Variants in CACNA1G observed in about 807,000 individuals in gnomAD.
The protein encoded by CACNA1G is voltage-dependent T-type calcium channel subunit alpha-1G.
A neutral mutation model predicts 219.4 loss-of-function variants in CACNA1G; 67 were observed. The ratio of observed to expected loss-of-function variants is 0.31; its 90% CI spans 0.25 to 0.37. The LOEUF (loss-of-function observed/expected upper bound fraction) is 0.37, where lower values mean the gene tolerates loss of function less well. Ranked by LOEUF, CACNA1G falls within the 10% of genes least tolerant of loss-of-function variation. CACNA1G has a pLI of 1.00. For synonymous variants in CACNA1G, 1,296 were observed against 1,345.3 expected (o/e 0.96, Z 0.80); for missense variants, 2,380 against 3,231.4 (o/e 0.74, Z 6.39).
At position 50,621,182 on chromosome 17, in the gene CACNA1G, GATTGGTGGC is replaced by G. The variant is rs1386154043; in HGVS notation, c.5926-473_5926-465del. The stretch of plus-strand genomic sequence containing the variant: ...GAGAATAGGCAGAAAACAGCCGTCA[GATTGGTGGC>G]ATTGTCGCCGGCGCCCCCCGTGCCG... On this transcript the variant is annotated intron_variant, in intron 34 of 37. Transcript: ENST00000359106. This position sits in a 1 kb window ranked among gnomAD's most constrained non-coding sequence, Gnocchi z 4.6. 2.6e-5 allele frequency among the ~76,000 whole-genome samples: 4 copies of G among 152,228 alleles called. No individual in the cohort carries two copies. Among genetic ancestry groups the G allele is most frequent in the Admixed American group, 6.5e-5 (1 of 15,290 alleles).
At chr17:50,587,252 C>T (rs997474278) in intron 9 of CACNA1G, among the ~76,000 whole-genome samples, 2 of 152,114 alleles carry the variant, frequency 1.3e-5, no homozygotes, top group Non-Finnish European at 2.9e-5. Flanking sequence ...GTGATGTGAC[C>T]TCCATCAAGG....
At chr17:50,574,342 A>C (rs1207393541) in intron 7 of CACNA1G, among the ~76,000 whole-genome samples, 1 of 152,236 alleles carries the variant, frequency 6.6e-6, no homozygotes, top group East Asian at 1.9e-4. Context: ...CTCCAGAGAG[A>C]GATGAAGACA....
At chr17:50,624,324 T>TGCCCCCCCCCCCCCCCCCCCGCCCCCCC in intron 36 of CACNA1G, 36 bp from the exon 37 acceptor site, 1 of 1,177,664 alleles carries the variant, frequency 8.5e-7, no homozygotes, top group Non-Finnish European at 1.2e-6. Flanking sequence ...CTCCATTCTC[T>TGCCCCCCCCCCCCCCCCCCCGCCCCCCC]CCCCCCACCC....
intron 26 of CACNA1G, 49 bp from the exon 27 acceptor site, chr17:50,615,312 G>A (rs564729518): frequency 5.0e-5 from 74 of 1,477,558 alleles, no homozygotes; most frequent in South Asian, 4.7e-4. Context: ...GGAGGGGTGC[G>A]GGGGGCAGGG....
intron 8 of CACNA1G, among the ~76,000 whole-genome samples, chr17:50,577,812 G>T (rs1041183009): frequency 2.6e-5 from 4 of 152,104 alleles, no homozygotes; most frequent in Non-Finnish European, 5.9e-5. Context: ...GTGTCTTAAG[G>T]ATCCCATGGA....
intron 1 of CACNA1G, among the ~76,000 whole-genome samples, chr17:50,564,350 T>C (rs1038588577): frequency 6.6e-6 from 1 of 151,610 alleles, no homozygotes; most frequent in Admixed American, 6.6e-5. Context: ...CCTCTCTGGC[T>C]GTTGTGTCAC....
intron 1 of CACNA1G, among the ~76,000 whole-genome samples, chr17:50,563,040 C>A (rs2036369859): frequency 6.6e-6 from 1 of 152,174 alleles, no homozygotes; most frequent in African/African-American, 2.4e-5. Flanking sequence ...GGGTGGGAGA[C>A]CCCAGGTCTC....
In CACNA1G at chr17:50,615,535, T is replaced by C. The variant is rs779523077; in HGVS notation, c.4911+23T>C. On this transcript the variant is annotated intron_variant, in intron 27 of 37. Coordinates refer to ENST00000359106, the MANE Select transcript of CACNA1G (RefSeq NM_018896.5). ...CAGGTAGGAGCGAGTGGACCAGCCA[T>C]CTGGCCCCCCCACCTCCAGCTGAGG... 3 of 1,607,944 alleles carry C rather than the reference T, an allele frequency of 1.9e-6. No homozygotes were observed. The African/African-American group carries it at 4.0e-5, about 21-fold the overall frequency.
intron 9 of CACNA1G, among the ~76,000 whole-genome samples, chr17:50,584,232 C>T (rs925772665): frequency 2.6e-5 from 4 of 151,972 alleles, no homozygotes; most frequent in Admixed American, 6.5e-5. Flanking sequence ...TGTTTAGTGT[C>T]GTCTACACCC....
chr17:50,610,609 G>C (rs571665454), intron 26 of CACNA1G, among the ~76,000 whole-genome samples: 2 of 152,284 alleles, frequency 1.3e-5, no homozygotes, highest in Non-Finnish European at 2.9e-5. Flanking sequence ...CTGGCCCCCA[G>C]ATGGAGGTGT....
rs1367477104 is a variant in CACNA1G at position 50,575,487 on chromosome 17, G to A, written c.1141-56G>A. On this transcript the variant is annotated intron_variant, in intron 7 of 37. Transcript: ENST00000359106. ...GGAATGCCTCCGTATGTGGTGGCTG[G>A]CATTGTGATTCACTTTTCTTCAGGA... 3 of 1,514,542 alleles carry A rather than the reference G, an allele frequency of 2.0e-6. No homozygotes were observed. In the Admixed American group the frequency reaches 5.9e-5, roughly 30 times the overall value. The allele number at this position is 1,514,542 out of a possible 1,614,324, so 93.8% of individuals were successfully genotyped here. A position where few individuals can be genotyped will look rare whatever the true frequency, so the allele number is the denominator to read the frequency against.
intron 36 of CACNA1G, 36 bp from the exon 37 acceptor site, chr17:50,624,324 T>TCCCCCCCCCCCCCCCCCCCCTA: frequency 1.7e-6 from 2 of 1,177,658 alleles, no homozygotes; most frequent in Non-Finnish European, 2.4e-6. Flanking sequence ...CTCCATTCTC[T>TCCCCCCCCCCCCCCCCCCCCTA]CCCCCCACCC....
At chr17:50,572,929 T>A in intron 6 of CACNA1G, 75 bp downstream of exon 6, 1 of 1,577,136 alleles carries the variant, frequency 6.3e-7, no homozygotes, top group Admixed American at 1.7e-5. Flanking sequence ...GAGTGGTCGC[T>A]CTCAGGGTTG....
rs182308749 is a variant in CACNA1G, at chr17:50,579,532, C to G, written c.2301+968C>G. ...TTCCAGAAGTCGCTCCCCCTCCCCC[C>G]AGTCTGGCCTTTCAGGTCACCCCTG... On this transcript the variant is annotated intron_variant, in intron 9 of 37. Transcript: ENST00000359106. 3.2e-4 allele frequency among the ~76,000 whole-genome samples: 48 copies of G among 152,202 alleles called. No homozygotes were observed. In the East Asian group the frequency reaches 6.8e-3, roughly 22 times the overall value.
intron 13 of CACNA1G, among the ~76,000 whole-genome samples, chr17:50,594,647 C>T (rs1254677689): frequency 6.6e-6 from 1 of 152,146 alleles, no homozygotes; most frequent in Non-Finnish European, 1.5e-5. Flanking sequence ...CCACTTCCTA[C>T]CTTGCAAGGA....
rs376297836 is a variant in CACNA1G at position 50,563,376 on chromosome 17, A to G, written c.242+1675A>G. 3.3e-5 allele frequency: 5 copies of G among 152,246 alleles called. No homozygotes were observed. The South Asian group carries it at 1.0e-3, about 32-fold the overall frequency. The allele number at this position is 152,246 out of a possible 1,614,324, so 9.4% of individuals were successfully genotyped here. A position where few individuals can be genotyped will look rare whatever the true frequency, so the allele number is the denominator to read the frequency against. On this transcript the variant is annotated intron_variant, in intron 1 of 37. Transcript: ENST00000359106. ...CCAGGCCCCTTTCTCCCAGGCAGGG[A>G]TGGAGATGGAGAACTGATATGGCTG... is the stretch of plus-strand genomic sequence containing the variant.
chr17:50,583,659 T>TGGGG (rs2042406962), intron 9 of CACNA1G, among the ~76,000 whole-genome samples: 1 of 7,568 alleles, frequency 1.3e-4, no homozygotes. Flanking sequence ...GCTTGGGTGG[T>TGGGG]GGGGGTGGGG....
intron 7 of CACNA1G, among the ~76,000 whole-genome samples, chr17:50,575,213 CA>C (rs1413995831): frequency 6.6e-6 from 1 of 152,146 alleles, no homozygotes; most frequent in African/African-American, 2.4e-5. Context: ...TGTTTAGGGA[CA>C]GGGAATTTGA....
At chr17:50,581,078 G>C (rs866550842) in intron 9 of CACNA1G, among the ~76,000 whole-genome samples, 15 of 150,866 alleles carry the variant, frequency 9.9e-5, no homozygotes, top group African/African-American at 3.4e-4. Flanking sequence ...CGAGACAGAG[G>C]CACGGAGGGC....
Sources: gnomAD v4.1 joint callset for allele counts (sites outside exome capture counted in the v4.1 genomes callset) on GRCh38, gnomAD v4.1.1 for gene constraint, Gnocchi (gnomAD v3.1) non-coding constraint, MANE v1.5 for transcripts, NCBI Gene and HGNC (gene_info 2026-07-23, HGNC 2026-07-21) for gene names.